Variants in MYOF observed in about 807,000 individuals in gnomAD.
The protein encoded by MYOF is myoferlin.
A neutral mutation model predicts 284.2 loss-of-function variants in MYOF; 244 were observed. The observed-to-expected ratio is 0.86, with a 90% CI of 0.77 to 0.95. The LOEUF (loss-of-function observed/expected upper bound fraction) is 0.95. Ranked by LOEUF, MYOF falls within the 40% of genes least tolerant of loss-of-function variation. The pLI, the probability that MYOF is intolerant of heterozygous loss-of-function variation, is 0.00. For synonymous variants in MYOF, 904 were observed against 919.7 expected, an observed-to-expected ratio of 0.98 and a Z score of 0.31; for missense variants, 2,496 against 2,560.6, an observed-to-expected ratio of 0.97 and a Z score of 0.54.
chr10:93,429,051 C>T (rs1848723193), intron 4 of MYOF, among the ~76,000 whole-genome samples: 1 of 152,182 alleles, frequency 6.6e-6, no homozygotes, highest in Non-Finnish European at 1.5e-5. Flanking sequence ...AATGTGACCT[C>T]CAATAGTGGA....
chr10:93,336,403 GA>G (rs143328723), intron 40 of MYOF, among the ~76,000 whole-genome samples: 3,245 of 152,246 alleles, frequency 0.021, 126 homozygotes, highest in African/African-American at 0.074. Context: ...AATGACAAGG[GA>G]AAAACTATGA....
intron 1 of MYOF, among the ~76,000 whole-genome samples, chr10:93,458,036 G>A (rs186502366): frequency 3.1e-3 from 476 of 151,910 alleles, no homozygotes; most frequent in Middle Eastern, 6.8e-3. Flanking sequence ...GAGCCACTGC[G>A]CCCGGCATTC....
chr10:93,478,167 G>GT (rs1423091551), intron 1 of MYOF: 2 of 279,448 alleles, frequency 7.2e-6, no homozygotes, highest in African/African-American at 2.3e-5. Context: ...AAATTAAAAA[G>GT]TTTTTTAACA....
At chr10:93,307,192 C>T (rs1015146955) in intron 53 of MYOF, among the ~76,000 whole-genome samples, 191 bp from the exon 54 acceptor site, 1 of 120,038 alleles carries the variant, frequency 8.3e-6, no homozygotes, top group Admixed American at 7.7e-5. Context: ...AGTAGCACCC[C>T]CCCGCCAAGT....
In MYOF at chr10:93,378,164, T is replaced by C. The variant is rs141093261; in HGVS notation, c.2002-735A>G. Among the ~76,000 whole-genome samples, 21 of 152,306 alleles carry C rather than the reference T, an allele frequency of 1.4e-4. No individual in the cohort carries two copies. In the East Asian group the frequency reaches 3.5e-3, roughly 25 times the overall value. ...AAGATAAGCTCAAAACATATGGTTC[T>C]ATTCCATTGAGCACCTGCCAACAGA... On this transcript the variant is annotated intron_variant, in intron 21 of 53. Transcript: ENST00000359263.
rs201849605 is a variant in MYOF at position 93,310,574 on chromosome 10, G to A, written c.5959C>T (p.Arg1987Trp). The A allele has an allele frequency of 2.2e-5, 36 of 1,613,604 alleles. No homozygotes were observed. The highest frequency in any genetic ancestry group is 8.9e-5 in the East Asian group (4 of 44,870). ...EADERPAGKG[R>W]DEPNMNPKLD... ...TTGGGGTTCATGTTGGGTTCGTCCC[G>A]CCCCTTCCCGGCTGGCCTCTCGTCG... is the stretch of plus-strand genomic sequence containing the variant. The change falls in exon 52 of 54, where the codon CGG becomes TGG. Residue 1987 changes from arginine to tryptophan, a missense_variant. Arg to Trp is a moderately radical substitution (Grantham distance 101). Around this residue, in one of 3 missense-constraint regions of MYOF, gnomAD observed 2,436 missense variants for 2,480.7 expected, o/e 0.98. Transcript: ENST00000359263.
chr10:93,453,813 T>C (rs564641708), intron 2 of MYOF, among the ~76,000 whole-genome samples: 3 of 152,084 alleles, frequency 2.0e-5, no homozygotes, highest in Non-Finnish European at 4.4e-5. Flanking sequence ...TGAGCCCAGT[T>C]AGTTATGGCT....
intron 1 of MYOF, among the ~76,000 whole-genome samples, chr10:93,478,563 G>A (rs1473549323): frequency 1.3e-5 from 2 of 151,966 alleles, no homozygotes; most frequent in African/African-American, 4.8e-5. Context: ...ACAACTGGGC[G>A]CTCATACCTG....
intron 5 of MYOF, among the ~76,000 whole-genome samples, chr10:93,418,821 T>A (rs960297954): frequency 2.0e-5 from 3 of 152,210 alleles, no homozygotes; most frequent in South Asian, 2.1e-4. Context: ...TGAGAACCAC[T>A]TGTTTATGAT....
At chr10:93,425,316 A>C (rs1228662146) in intron 5 of MYOF, among the ~76,000 whole-genome samples, 2 of 152,038 alleles carry the variant, frequency 1.3e-5, no homozygotes, top group Non-Finnish European at 2.9e-5. Context: ...ACATGCCGAG[A>C]CTGTGCCTTG....
intron 1 of MYOF, among the ~76,000 whole-genome samples, chr10:93,481,670 T>G (rs989819387): frequency 6.6e-6 from 1 of 152,184 alleles, no homozygotes; most frequent in African/African-American, 2.4e-5. Flanking sequence ...AGAAACCCAG[T>G]GACAATCAAA....
intron 3 of MYOF, among the ~76,000 whole-genome samples, 173 bp downstream of exon 3, chr10:93,451,877 T>A (rs1196155749): frequency 6.6e-6 from 1 of 152,188 alleles, no homozygotes; most frequent in African/African-American, 2.4e-5. Flanking sequence ...GAAAAAGTGC[T>A]GTGATGGATT....
intron 50 of MYOF, among the ~76,000 whole-genome samples, chr10:93,313,574 T>C (rs770454623): frequency 5.3e-5 from 8 of 152,156 alleles, no homozygotes; most frequent in Non-Finnish European, 8.8e-5. Flanking sequence ...AGAGAGGTCA[T>C]TTGGCTTTGG....
At chr10:93,343,560 A>C (rs1286943635) in intron 38 of MYOF, among the ~76,000 whole-genome samples, 1 of 152,250 alleles carries the variant, frequency 6.6e-6, no homozygotes, top group Non-Finnish European at 1.5e-5. Context: ...ATTTAAAAAC[A>C]TACTGATATC....
Position 93,453,594 on chromosome 10 carries a change from T to A in MYOF, c.145-1453A>T, listed in dbSNP as rs2056655876. On this transcript the variant is annotated intron_variant, in intron 2 of 53. Transcript: ENST00000359263. ...GATTACAGGCATGTGCCACCACACG[T>A]GGCCTCAGAGCTTCTCTTAGAACAC... 1.3e-5 allele frequency among the ~76,000 whole-genome samples: 2 copies of A among 151,964 alleles called. 1 individual carries two copies. The highest frequency in any genetic ancestry group is 4.2e-4 in the South Asian group (2 of 4,796).
chr10:93,404,195 T>A lies in MYOF; in HGVS notation c.754A>T (p.Thr252Ser), dbSNP rs1847437387. ...DELFFYNVNM[T>S]PSELMDEIIS... ...ATCTCATCCATCAATTCAGAAGGGG[T>A]CATGTTGACATTGTAGAAAAACAAC... Residue 252 changes from threonine (T) to serine (S), a missense_variant, in exon 8 of 54, where the codon ACC (threonine) becomes TCC (serine). By Grantham distance (58) the Thr-to-Ser change is moderately conservative (BLOSUM62 1). Around this residue, in one of 3 missense-constraint regions of MYOF, gnomAD observed 2,436 missense variants for 2,480.7 expected, o/e 0.98. Transcript: ENST00000359263. 1 of 1,614,190 alleles carries A rather than the reference T, an allele frequency of 6.2e-7. No homozygotes were observed. The highest frequency in any genetic ancestry group is 8.5e-7 in the Non-Finnish European group (1 of 1,180,028).
chr10:93,427,889 C>T (rs1023293493), intron 4 of MYOF, among the ~76,000 whole-genome samples: 8 of 151,976 alleles, frequency 5.3e-5, no homozygotes, highest in African/African-American at 1.7e-4. Context: ...TTTCATGGAC[C>T]CACAAAATTT....
rs1476325153 is a variant in MYOF, at chr10:93,397,463, A to G, written c.1222-7T>C. 1.9e-6 allele frequency: 3 copies of G among 1,601,564 alleles called. No individual in the cohort carries two copies. The highest frequency in any genetic ancestry group is 2.6e-6 in the Non-Finnish European group (3 of 1,175,980). ...CAATTATGTTTGTACAAACCTGTAA[A>G]ATCACCAAAGCAAAAGTGTAGGTTT... is the stretch of plus-strand genomic sequence containing the variant. On this transcript the variant is annotated splice_region_variant and splice_polypyrimidine_tract_variant and intron_variant, in intron 13 of 53. Coordinates refer to ENST00000359263, the MANE Select transcript of MYOF (RefSeq NM_013451.4).
intron 3 of MYOF, among the ~76,000 whole-genome samples, chr10:93,435,098 G>A (rs1337353911): frequency 6.6e-6 from 1 of 152,202 alleles, no homozygotes; most frequent in Non-Finnish European, 1.5e-5. Flanking sequence ...GAAAGATGTG[G>A]AAACAAACTG....
Sources: gnomAD v4.1 joint callset for allele counts (sites outside exome capture counted in the v4.1 genomes callset) on GRCh38, gnomAD v4.1.1 for gene constraint, gnomAD v4.1.1 regional missense constraint, MANE v1.5 for transcripts, NCBI Gene and HGNC (gene_info 2026-07-23, HGNC 2026-07-21) for gene names.